PHIP: variants seen among roughly 807,000 people sequenced by gnomAD.
PHIP encodes PH-interacting protein.
A neutral mutation model predicts 236.8 loss-of-function variants in PHIP; 54 were observed. The observed-to-expected ratio is 0.23, with a 90% CI of 0.18 to 0.29. PHIP has a LOEUF of 0.29. Among genes scored for constraint, PHIP ranks in the 10% least tolerant of loss-of-function variants. PHIP has a pLI of 1.00. For missense variants in PHIP, 1,370 were observed against 2,190.8 expected (o/e 0.63, Z 7.48); for synonymous variants, 756 against 718.9 (o/e 1.05, Z -0.83).
intron 27 of PHIP, among the ~76,000 whole-genome samples, chr6:78,967,606 G>A (rs531445484): frequency 6.6e-6 from 1 of 152,038 alleles, no homozygotes; most frequent in Non-Finnish European, 1.5e-5. Flanking sequence ...TATATCCTCA[G>A]ATATAAAAGA....
At chr6:79,010,849 T>C (rs1238073724) in intron 15 of PHIP, among the ~76,000 whole-genome samples, 2 of 151,930 alleles carry the variant, frequency 1.3e-5, no homozygotes, top group Non-Finnish European at 2.9e-5. Context: ...TTAATATTCA[T>C]TTAGTTAAAC....
chr6:79,022,373 C>T (rs530903630), intron 9 of PHIP, among the ~76,000 whole-genome samples: 1 of 152,302 alleles, frequency 6.6e-6, no homozygotes, highest in East Asian at 1.9e-4. Flanking sequence ...CAATGACTAA[C>T]TGCCACTTAG....
intron 6 of PHIP, among the ~76,000 whole-genome samples, chr6:79,047,869 C>G (rs1267273184): frequency 6.6e-6 from 1 of 151,982 alleles, no homozygotes; most frequent in Non-Finnish European, 1.5e-5. Flanking sequence ...AATTATAATA[C>G]TCATTATGAG....
chr6:79,057,071 A>G (rs1435126676), intron 6 of PHIP, among the ~76,000 whole-genome samples: 1 of 152,162 alleles, frequency 6.6e-6, no homozygotes, highest in Non-Finnish European at 1.5e-5. Flanking sequence ...GGCTTGGAGT[A>G]ACAAGGTTCA....
chr6:78,938,054 T>C lies in PHIP; in HGVS notation c.*2639A>G, dbSNP rs1431843583. The C allele has an allele frequency of 6.6e-6, 1 of 151,752 alleles. No individual in the cohort carries two copies. The highest frequency in any genetic ancestry group is 2.4e-5 in the African/African-American group (1 of 41,428). The allele number at this position is 151,752 out of a possible 1,614,324, so 9.4% of individuals were successfully genotyped here. On this transcript the variant is annotated 3_prime_UTR_variant, in exon 40 of 40. Transcript: ENST00000275034. The stretch of plus-strand genomic sequence containing the variant: ...GTGTTACTGCCTCAAAGAGGATTAT[T>C]TTCCCAAGTGGTAAAGAAAACAAAA...
chr6:78,943,191 C>T (rs1200128201), intron 39 of PHIP, among the ~76,000 whole-genome samples: 2 of 151,984 alleles, frequency 1.3e-5, no homozygotes, highest in East Asian at 3.9e-4. Flanking sequence ...ACATATATGG[C>T]TTGTATTATA....
intron 39 of PHIP, among the ~76,000 whole-genome samples, chr6:78,943,217 C>T (rs1773595696): frequency 6.6e-6 from 1 of 152,032 alleles, no homozygotes; most frequent in Non-Finnish European, 1.5e-5. Context: ...CTAGACAACA[C>T]TGCTTGATTC....
intron 17 of PHIP, among the ~76,000 whole-genome samples, chr6:78,998,613 C>G (rs1457793527): frequency 6.6e-6 from 1 of 151,918 alleles, no homozygotes; most frequent in African/African-American, 2.4e-5. Flanking sequence ...CTAACTTTTA[C>G]TAAGTGTTTA....
chr6:79,077,919 CG>C lies in PHIP; in HGVS notation c.41-7del. 1 of 1,594,076 alleles carries C rather than the reference CG, an allele frequency of 6.3e-7. No individual in the cohort carries two copies. Among genetic ancestry groups the C allele is most frequent in the Non-Finnish European group, 8.5e-7 (1 of 1,171,142 alleles). ...GGCGATGAGGAAGTAGAGCTCTGCG[CG>C]GGAGAGAGGGACGGGGAGACACACA... On this transcript the variant is annotated splice_polypyrimidine_tract_variant and splice_region_variant and intron_variant, in intron 1 of 39. Coordinates refer to ENST00000275034, the MANE Select transcript of PHIP (RefSeq NM_017934.7).
Position 78,988,101 on chromosome 6 carries a change from A to C in PHIP, c.2460+108T>G, listed in dbSNP as rs187131013. 2.3e-3 allele frequency: 1,617 copies of C among 716,566 alleles called. 12 individuals carry two copies. The Middle Eastern group carries it at 0.028, about 12-fold the overall frequency. 44.4% of individuals were successfully genotyped at this position (716,566 alleles called of 1,614,324 possible). A position where few individuals can be genotyped will look rare whatever the true frequency, so the allele number is the denominator to read the frequency against. On this transcript the variant is annotated intron_variant, in intron 21 of 39. Transcript: ENST00000275034. ...CTGTATCATAAGACCCCAAAATGCCATATTTAAGCTACATCTACAAACATA... is the reference window on the plus strand; with the variant it reads ...CTGTATCATAAGACCCCAAAATGCCCTATTTAAGCTACATCTACAAACATA...
At chr6:79,010,626 A>G (rs1344853606) in intron 15 of PHIP, among the ~76,000 whole-genome samples, 1 of 151,910 alleles carries the variant, frequency 6.6e-6, no homozygotes, top group African/African-American at 2.4e-5. Context: ...AATGACAGAA[A>G]TAGAAAGATA....
intron 4 of PHIP, among the ~76,000 whole-genome samples, chr6:79,064,762 T>C (rs1323938099): frequency 2.6e-5 from 4 of 152,158 alleles, no homozygotes; most frequent in Admixed American, 2.6e-4. Context: ...AGAGTCCAGT[T>C]CCAGATCCTC....
intron 4 of PHIP, among the ~76,000 whole-genome samples, chr6:79,076,634 T>C (rs1774175258): frequency 6.6e-6 from 1 of 152,150 alleles, no homozygotes; most frequent in Admixed American, 6.5e-5. Flanking sequence ...TGTCCCAATA[T>C]AAACACAACT....
At position 79,039,709 on chromosome 6, in the gene PHIP, T is replaced by C. The variant is rs1375888005; in HGVS notation, c.600+3134A>G. On this transcript the variant is annotated intron_variant, in intron 7 of 39. Coordinates refer to ENST00000275034, the MANE Select transcript of PHIP (RefSeq NM_017934.7). ...TATGTTTCTGAAAAGGGGGGAAAAC[T>C]CTGCTTTTTATATGGCGTTCCATGT... is the stretch of plus-strand genomic sequence containing the variant. Among the ~76,000 whole-genome samples, 3 of 152,172 alleles carry C rather than the reference T, an allele frequency of 2.0e-5. No homozygotes were observed. In the East Asian group the frequency reaches 5.8e-4, roughly 29 times the overall value.
chr6:79,001,412 C>T (rs972130886), intron 17 of PHIP, among the ~76,000 whole-genome samples: 7 of 152,104 alleles, frequency 4.6e-5, no homozygotes, highest in African/African-American at 1.7e-4. Context: ...AGGCAATCTA[C>T]AATCTCTCTC....
At chr6:78,961,952 T>C in intron 30 of PHIP, 142 bp from the exon 31 acceptor site, 2 of 628,224 alleles carry the variant, frequency 3.2e-6, no homozygotes, top group Admixed American at 3.2e-5. Flanking sequence ...CAATATAGTG[T>C]AGCTGACATA....
At chr6:79,001,754 A>G in intron 17 of PHIP, 145 bp downstream of exon 17, 2 of 600,916 alleles carry the variant, frequency 3.3e-6, no homozygotes, top group South Asian at 4.2e-5. Flanking sequence ...ATCCTTAAGC[A>G]TGATCAAAGA....
chr6:79,001,407 A>G (rs1769986976), intron 17 of PHIP, among the ~76,000 whole-genome samples: 1 of 152,118 alleles, frequency 6.6e-6, no homozygotes, highest in South Asian at 2.1e-4. Flanking sequence ...TGAACAGGCA[A>G]TCTACAATCT....
chr6:78,957,120 T>C (rs1234664361), intron 32 of PHIP: 1 of 152,096 alleles, frequency 6.6e-6, no homozygotes, highest in Non-Finnish European at 1.5e-5. Context: ...CTTTAAGTAT[T>C]TCATGAATCT....
Sources: gnomAD v4.1 joint callset for allele counts (sites outside exome capture counted in the v4.1 genomes callset) on GRCh38, gnomAD v4.1.1 for gene constraint, MANE v1.5 for transcripts, NCBI Gene and HGNC (gene_info 2026-07-23, HGNC 2026-07-21) for gene names.